Variants in NLRP11 observed in about 807,000 individuals in gnomAD.
NLRP11 encodes the protein NLR family pyrin domain containing 11.
Under a neutral mutation model 79.3 loss-of-function variants are expected in NLRP11, and 53 were observed. That is an observed-to-expected ratio of 0.67 (90% CI 0.54 to 0.84). The LOEUF (loss-of-function observed/expected upper bound fraction) is 0.84. Among genes scored for constraint, NLRP11 ranks in the 40% least tolerant of loss-of-function variants. The pLI is 0.00. For synonymous variants in NLRP11, 518 were observed against 462.6 expected, an observed-to-expected ratio of 1.12 and a Z score of -1.54; for missense variants, 1,264 against 1,255.0, an observed-to-expected ratio of 1.01 and a Z score of -0.11.
At chr19:55,793,182 A>G (rs1242424022) in intron 6 of NLRP11, among the ~76,000 whole-genome samples, 1 of 152,150 alleles carries the variant, frequency 6.6e-6, no homozygotes, top group Non-Finnish European at 1.5e-5. Flanking sequence ...ACCCGGCCGA[A>G]TCTCTATTTT....
chr19:55,814,926 G>C (rs1183785646), intron 2 of NLRP11, among the ~76,000 whole-genome samples: 1 of 152,218 alleles, frequency 6.6e-6, no homozygotes, highest in African/African-American at 2.4e-5. Context: ...GAGTGAGCAA[G>C]AGTCCCCACG....
intron 2 of NLRP11, among the ~76,000 whole-genome samples, chr19:55,815,396 G>C (rs1981009946): frequency 6.7e-6 from 1 of 149,720 alleles, no homozygotes; most frequent in South Asian, 2.1e-4. Flanking sequence ...GGGTGTGGTG[G>C]TGGGCACCCT....
chr19:55,804,958 G>A (rs1159863470), intron 4 of NLRP11, among the ~76,000 whole-genome samples: 1 of 152,082 alleles, frequency 6.6e-6, no homozygotes, highest in Non-Finnish European at 1.5e-5. Context: ...AGCTACTCAG[G>A]AGGCTGAGAC....
intron 1 of NLRP11, among the ~76,000 whole-genome samples, chr19:55,820,070 C>T (rs952915992): frequency 2.6e-5 from 4 of 152,116 alleles, no homozygotes; most frequent in Non-Finnish European, 5.9e-5. Context: ...CTATGCCAAT[C>T]CCCAGTGCCC....
chr19:55,785,816 C>T, exon 10 of NLRP11: 1 of 1,614,112 alleles, frequency 6.2e-7, no homozygotes, highest in Non-Finnish European at 8.5e-7. Flanking sequence ...GGTTTTCTTT[C>T]CTTTACAGTC....
At position 55,796,325 on chromosome 19, in the gene NLRP11, AAAAG is replaced by A. The variant is rs1331775870; in HGVS notation, c.2172-79_2172-76del. 4.0e-6 allele frequency: 5 copies of A among 1,247,172 alleles called. No individual in the cohort carries two copies. The South Asian group carries it at 5.7e-5, about 14-fold the overall frequency. 77.3% of individuals were successfully genotyped at this position (1,247,172 alleles called of 1,614,324 possible). ...CCCTCTTTTAAATTAAAAAAAAAAA[AAAAG>A]AGAGACCTAACCAAGTGCGATGATG... On this transcript the variant is annotated intron_variant, in intron 5 of 9. Coordinates refer to ENST00000589093, the Ensembl canonical transcript of NLRP11.
chr19:55,785,407 A>G (rs919435969), exon 10 of NLRP11: 2 of 459,436 alleles, frequency 4.4e-6, no homozygotes, highest in South Asian at 4.1e-5. Context: ...GCTTTTTCCA[A>G]TGCATTTTAT....
At chr19:55,807,979 C>T (rs769786820) in exon 4 of NLRP11, 1 of 1,612,030 alleles carries the variant, frequency 6.2e-7, no homozygotes, top group Admixed American at 1.7e-5. Flanking sequence ...AAAAAGAGAG[C>T]AGATCTCTCT....
intron 6 of NLRP11, among the ~76,000 whole-genome samples, chr19:55,792,765 G>C (rs1020324109): frequency 9.8e-5 from 15 of 152,286 alleles, no homozygotes; most frequent in Non-Finnish European, 7.4e-5. Context: ...CCCATCGTTT[G>C]ATAAAGTATA....
At chr19:55,788,863 T>C (rs1324886784) in exon 9 of NLRP11, 3 of 1,594,242 alleles carry the variant, frequency 1.9e-6, no homozygotes, top group African/African-American at 2.7e-5. Flanking sequence ...GTTTTGCAAC[T>C]CCATCATTGC....
intron 1 of NLRP11, among the ~76,000 whole-genome samples, chr19:55,819,305 CCACACACAAACCTGTGAA>C (rs1422792999): frequency 6.6e-6 from 1 of 152,110 alleles, no homozygotes; most frequent in Non-Finnish European, 1.5e-5. Flanking sequence ...GAGACATGCC[CCACACACAAACCTGTGAA>C]AATGCCACCC....
At chr19:55,814,371 A>C (rs1007046007) in intron 2 of NLRP11, among the ~76,000 whole-genome samples, 5 of 152,178 alleles carry the variant, frequency 3.3e-5, no homozygotes, top group Admixed American at 3.3e-4. Context: ...AAAGTACATA[A>C]TAAATGTAAT....
At chr19:55,805,625 C>A (rs139758666) in intron 4 of NLRP11, among the ~76,000 whole-genome samples, 3 of 152,010 alleles carry the variant, frequency 2.0e-5, no homozygotes, top group Admixed American at 2.0e-4. Flanking sequence ...CCGTGGCCTG[C>A]GCCTCCCGGG....
At chr19:55,799,490 G>T (rs1179230940) in intron 5 of NLRP11, among the ~76,000 whole-genome samples, 1 of 152,010 alleles carries the variant, frequency 6.6e-6, no homozygotes, top group Non-Finnish European at 1.5e-5. Flanking sequence ...GACTGAGGAG[G>T]AATAATCAAG....
At chr19:55,791,888 T>C (rs1990254647) in intron 7 of NLRP11, among the ~76,000 whole-genome samples, 1 of 152,154 alleles carries the variant, frequency 6.6e-6, no homozygotes, top group Non-Finnish European at 1.5e-5. Flanking sequence ...ATGCATCCCT[T>C]TTCCAATAAA....
intron 2 of NLRP11, among the ~76,000 whole-genome samples, chr19:55,816,465 T>G (rs1011420942): frequency 1.3e-5 from 2 of 152,222 alleles, no homozygotes; most frequent in Non-Finnish European, 2.9e-5. Flanking sequence ...ATTCATGATC[T>G]TGGTAAGTTC....
chr19:55,821,115 C>T (rs1416361044), intron 1 of NLRP11, among the ~76,000 whole-genome samples: 2 of 151,772 alleles, frequency 1.3e-5, no homozygotes, highest in African/African-American at 2.4e-5. Flanking sequence ...TCCATCTAAG[C>T]AGTGAGCCAA....
At chr19:55,789,230 C>A (rs2122708189) in exon 8 of NLRP11, 1 of 1,609,056 alleles carries the variant, frequency 6.2e-7, no homozygotes, top group South Asian at 1.1e-5. Flanking sequence ...GGCACCTACC[C>A]AATATTCACC....
chr19:55,817,229 C>T (rs113395501), intron 2 of NLRP11, among the ~76,000 whole-genome samples: 19,461 of 152,010 alleles, frequency 0.13, 2,208 homozygotes, highest in African/African-American at 0.3. Flanking sequence ...TTTTACACTG[C>T]TGGTGGGAAT....
Sources: gnomAD v4.1 joint callset for allele counts (sites outside exome capture counted in the v4.1 genomes callset) on GRCh38, gnomAD v4.1.1 for gene constraint, MANE v1.5 for transcripts, NCBI Gene and HGNC (gene_info 2026-07-23, HGNC 2026-07-21) for gene names.